Variants in GALP observed in about 807,000 individuals in gnomAD.
GALP encodes the protein galanin-like peptide.
A neutral mutation model predicts 15.2 loss-of-function variants in GALP; 12 were observed. That is an observed-to-expected ratio of 0.79 (90% CI 0.51 to 1.28). GALP has a LOEUF of 1.28. Among genes scored for constraint, GALP ranks in the 50% most tolerant of loss-of-function variants. GALP has a pLI of 0.00. For missense variants in GALP, 161 were observed against 145.6 expected, an observed-to-expected ratio of 1.11 and a Z score of -0.55; for synonymous variants, 58 against 55.1, an observed-to-expected ratio of 1.05 and a Z score of -0.23.
intron 5 of GALP, among the ~76,000 whole-genome samples, chr19:56,184,101 G>A (rs1371721369): frequency 3.3e-5 from 5 of 149,448 alleles, no homozygotes; most frequent in South Asian, 4.3e-4. Flanking sequence ...GATTACAGGC[G>A]CCCGCCACCA....
At chr19:56,182,829 A>G (rs754728042) in intron 4 of GALP, among the ~76,000 whole-genome samples, 25 of 152,150 alleles carry the variant, frequency 1.6e-4, no homozygotes, top group Non-Finnish European at 3.2e-4. Context: ...AAGTGCTGGG[A>G]TGAGCCGTCG....
chr19:56,180,498 C>T lies in GALP; in HGVS notation c.88-88C>T, dbSNP rs1445682957. ...CTGCTCCACAGGCCAGTGGGAAAGTCGTATGACGACCCACATCACCCCGGA... is the reference window on the plus strand; with the variant it reads ...CTGCTCCACAGGCCAGTGGGAAAGTTGTATGACGACCCACATCACCCCGGA... On this transcript the variant is annotated intron_variant, in intron 2 of 5. Coordinates refer to ENST00000357330, the MANE Select transcript of GALP (RefSeq NM_033106.4). The T allele has an allele frequency of 2.9e-5, 32 of 1,096,582 alleles. 1 individual carries two copies. The highest frequency in any genetic ancestry group is 4.4e-5 in the Non-Finnish European group (31 of 711,622). 67.9% of individuals were successfully genotyped at this position (1,096,582 alleles called of 1,614,324 possible). A position where few individuals can be genotyped will look rare whatever the true frequency, so the allele number is the denominator to read the frequency against.
intron 4 of GALP, 41 bp from the exon 5 acceptor site, chr19:56,183,087 CACTTGTA>C: frequency 7.5e-7 from 1 of 1,334,874 alleles, no homozygotes; most frequent in Non-Finnish European, 1.1e-6. Context: ...GTTTAGCTCC[CACTTGTA>C]ACTACGAACG....
At chr19:56,181,755 C>T (rs1291952267) in intron 3 of GALP, among the ~76,000 whole-genome samples, 1 of 152,180 alleles carries the variant, frequency 6.6e-6, no homozygotes, top group East Asian at 1.9e-4. Flanking sequence ...TCTCCAGTTG[C>T]ATCTTCCCTG....
intron 3 of GALP, 152 bp from the exon 4 acceptor site, chr19:56,182,020 C>G: frequency 1.6e-6 from 1 of 628,638 alleles, no homozygotes; most frequent in East Asian, 2.7e-5. Context: ...GATTTCCCCA[C>G]CGGTAGGTAG....
chr19:56,183,646 G>A (rs1392922949), intron 5 of GALP, among the ~76,000 whole-genome samples: 3 of 152,124 alleles, frequency 2.0e-5, no homozygotes, highest in East Asian at 1.9e-4. Context: ...CGCCCAGGTT[G>A]GAGTGCAATG....
rs80223966 is a variant in GALP at position 56,178,521 on chromosome 19, C to CAAAAA, written c.87+1343_87+1347dup. ...AGAAAAGAAATGCTAACAACAACAACAAAAAAAAAAAAAAAAAAAAAGAGA... is the reference window on the plus strand; with the variant it reads ...AGAAAAGAAATGCTAACAACAACAACAAAAAAAAAAAAAAAAAAAAAAAAAAGAGA... On this transcript the variant is annotated intron_variant, in intron 2 of 5. Coordinates refer to ENST00000357330, the MANE Select transcript of GALP (RefSeq NM_033106.4). Among the ~76,000 whole-genome samples the CAAAAA allele has an allele frequency of 4.2e-3, 363 of 85,734 alleles. 16 individuals carry two copies. Among genetic ancestry groups the CAAAAA allele is most frequent in the African/African-American group, 0.01 (238 of 22,810 alleles). The allele number at this position is 85,734 out of a possible 152,430, so 56.2% of individuals were successfully genotyped here.
At chr19:56,182,304 C>T (rs2032580939) in intron 4 of GALP, 52 bp downstream of exon 4, 2 of 1,382,802 alleles carry the variant, frequency 1.4e-6, no homozygotes, top group Non-Finnish European at 2.1e-6. Flanking sequence ...CCTGCGGGCT[C>T]TCTCCTGGCT....
At chr19:56,177,239 T>C in intron 2 of GALP, 44 bp downstream of exon 2, 1 of 1,490,620 alleles carries the variant, frequency 6.7e-7, no homozygotes, top group Non-Finnish European at 9.3e-7. Context: ...TGTCCCCAAA[T>C]CCCTGCCCTC....
In GALP at chr19:56,182,204, G is replaced by C; in HGVS notation, c.169G>C (p.Gly57Arg). The stretch of plus-strand genomic sequence containing the variant: ...CCTTCCCCAAATGGGTGACCAAGAC[G>C]GAAAGAGGGAGACAGCCCTTGAGAT... ...LHLPQMGDQD[G>R]KRETALEILD... Residue 57 changes from glycine to arginine, a missense_variant, in exon 4 of 6, where the codon GGA becomes CGA. Physicochemically the swap from Gly to Arg is moderately radical, Grantham distance 125. Coordinates refer to ENST00000357330, the MANE Select transcript of GALP (RefSeq NM_033106.4). 6.2e-7 allele frequency: 1 copy of C among 1,613,972 alleles called. No individual in the cohort carries two copies. Among genetic ancestry groups the C allele is most frequent in the South Asian group, 1.1e-5 (1 of 91,062 alleles).
chr19:56,177,296 G>A, intron 2 of GALP, 101 bp downstream of exon 2: 1 of 953,250 alleles, frequency 1.0e-6, no homozygotes, highest in South Asian at 1.4e-5. Flanking sequence ...AAGGGTCCTG[G>A]GGAAGAAGCT....
At chr19:56,180,125 C>T (rs1215546157) in intron 2 of GALP, among the ~76,000 whole-genome samples, 2 of 152,202 alleles carry the variant, frequency 1.3e-5, no homozygotes, top group Non-Finnish European at 2.9e-5. Context: ...GTTGGCCAGG[C>T]TGGCCTTGAA....
At chr19:56,178,287 G>C (rs1052342975) in intron 2 of GALP, among the ~76,000 whole-genome samples, 1 of 151,300 alleles carries the variant, frequency 6.6e-6, no homozygotes, top group African/African-American at 2.4e-5. Context: ...AACATAGTGA[G>C]AACCTCCATC....
chr19:56,184,484 C>CTTTTTTTTTTTTT (rs11414322), intron 5 of GALP, among the ~76,000 whole-genome samples: 10 of 117,662 alleles, frequency 8.5e-5, no homozygotes, highest in African/African-American at 2.3e-4. Context: ...TTTTCTTTTT[C>CTTTTTTTTTTTTT]TTTTTTTTTT....
intron 2 of GALP, among the ~76,000 whole-genome samples, chr19:56,179,736 T>C (rs993433594): frequency 1.3e-5 from 2 of 151,032 alleles, no homozygotes; most frequent in Admixed American, 1.3e-4. Context: ...CTCAAACTCC[T>C]GGGCTAAAGT....
At chr19:56,177,526 A>AG (rs1555785861) in intron 2 of GALP, among the ~76,000 whole-genome samples, 5,409 of 146,488 alleles carry the variant, frequency 0.037, 216 homozygotes, top group East Asian at 0.13. Context: ...AAAAAAAAAA[A>AG]AAGAAGAAAT....
intron 2 of GALP, among the ~76,000 whole-genome samples, chr19:56,180,232 CA>C (rs2032540181): frequency 6.6e-6 from 1 of 152,090 alleles, no homozygotes; most frequent in Non-Finnish European, 1.5e-5. Context: ...TTAAAGTGTG[CA>C]ACACCGTATT....
At chr19:56,183,707 T>C (rs1053907309) in intron 5 of GALP, among the ~76,000 whole-genome samples, 27 of 152,130 alleles carry the variant, frequency 1.8e-4, no homozygotes, top group South Asian at 1.0e-3. Context: ...AAGCGATTCT[T>C]CTGCCTCAGC....
rs561981215 is a variant in GALP at position 56,182,336 on chromosome 19, C to T, written c.217+84C>T. 61 of 958,556 alleles carry T rather than the reference C, an allele frequency of 6.4e-5. No individual in the cohort carries two copies. In the Admixed American group the frequency reaches 9.5e-4, roughly 15 times the overall value. 59.4% of individuals were successfully genotyped at this position (958,556 alleles called of 1,614,324 possible). A position where few individuals can be genotyped will look rare whatever the true frequency, so the allele number is the denominator to read the frequency against. ...GGCTTTGGAAACTGGTAGATGTGAGCTCCAGCCCTCACCCTGCCGCTTACT... is the reference window on the plus strand; with the variant it reads ...GGCTTTGGAAACTGGTAGATGTGAGTTCCAGCCCTCACCCTGCCGCTTACT... On this transcript the variant is annotated intron_variant, in intron 4 of 5. Transcript: ENST00000357330.
Sources: gnomAD v4.1 joint callset for allele counts (sites outside exome capture counted in the v4.1 genomes callset) on GRCh38, gnomAD v4.1.1 for gene constraint, MANE v1.5 for transcripts, NCBI Gene and HGNC (gene_info 2026-07-23, HGNC 2026-07-21) for gene names.